The following ADAMTS16 variants were observed in gnomAD, a reference collection of about 807,000 sequenced individuals.
The protein encoded by ADAMTS16 is A disintegrin and metalloproteinase with thrombospondin motifs 16.
A neutral mutation model predicts 145.8 loss-of-function variants in ADAMTS16; 94 were observed. The ratio of observed to expected loss-of-function variants is 0.64; its 90% CI spans 0.55 to 0.77. The LOEUF (loss-of-function observed/expected upper bound fraction) is 0.77. Among genes scored for constraint, ADAMTS16 ranks in the 30% least tolerant of loss-of-function variants. The pLI, the probability that ADAMTS16 is intolerant of heterozygous loss-of-function variation, is 0.00. For synonymous variants in ADAMTS16, 659 were observed against 604.3 expected (o/e 1.09, Z -1.33); for missense variants, 1,585 against 1,591.5 (o/e 1.00, Z 0.07).
rs200915340 is a variant in ADAMTS16 at position 5,200,304 on chromosome 5, G to A, written c.1451+35G>A. 3,637 of 1,611,334 alleles carry A rather than the reference G, an allele frequency of 2.3e-3. 3 individuals carry two copies. The highest frequency in any genetic ancestry group is 2.9e-3 in the Non-Finnish European group (3,365 of 1,178,712). On this transcript the variant is annotated intron_variant, in intron 9 of 22. Coordinates refer to ENST00000274181, the MANE Select transcript of ADAMTS16 (RefSeq NM_139056.4). ...CTTTAAGCTGGTCTTGTGATCTTTC[G>A]GGGCCTTTGATGCTCACTGCCTGGT...
At chr5:5,166,637 T>C (rs974715779) in intron 3 of ADAMTS16, among the ~76,000 whole-genome samples, 20 of 152,132 alleles carry the variant, frequency 1.3e-4, no homozygotes, top group African/African-American at 4.6e-4. Context: ...TCCAGAGTGA[T>C]AGTAGCCAGA....
At chr5:5,174,676 G>A (rs2126548042) in intron 3 of ADAMTS16, among the ~76,000 whole-genome samples, 1 of 152,134 alleles carries the variant, frequency 6.6e-6, no homozygotes, top group Non-Finnish European at 1.5e-5. Flanking sequence ...TTTTCAAATA[G>A]CCTGTCTTCA....
intron 18 of ADAMTS16, among the ~76,000 whole-genome samples, chr5:5,274,374 G>A (rs1421116446): frequency 1.3e-5 from 2 of 152,032 alleles, no homozygotes; most frequent in South Asian, 2.1e-4. Context: ...CCTCCCTCCC[G>A]ACCAACCCCT....
chr5:5,208,458 C>A (rs1260440598), intron 9 of ADAMTS16, among the ~76,000 whole-genome samples: 1 of 152,188 alleles, frequency 6.6e-6, no homozygotes, highest in Non-Finnish European at 1.5e-5. Flanking sequence ...AGAGGATAAT[C>A]TATTTATGGA....
chr5:5,239,399 G>C (rs1737211707), intron 15 of ADAMTS16, 125 bp downstream of exon 15: 1 of 1,395,306 alleles, frequency 7.2e-7, no homozygotes, highest in Non-Finnish European at 9.6e-7. Context: ...TCCTGCCTCA[G>C]CTGGCGCTTT....
At chr5:5,205,639 G>A (rs1275224500) in intron 9 of ADAMTS16, among the ~76,000 whole-genome samples, 1 of 152,184 alleles carries the variant, frequency 6.6e-6, no homozygotes. Context: ...TATTCTAAGA[G>A]GTGTGTAGTG....
chr5:5,140,477 C>G lies in ADAMTS16; in HGVS notation c.10C>G (p.Arg4Gly). Reference protein sequence around the residue: MKPRARGWRGLAAL... With the variant: MKPGARGWRGLAAL... ...CTCGGAGCGCTCCTGGATGAAGCCC[C>G]GCGCGCGCGGATGGCGGGGCTTGGC... Residue 4 changes from arginine (R) to glycine (G), a missense_variant, in exon 1 of 23, where the codon CGC (arginine) becomes GGC (glycine). By Grantham distance (125) the Arg-to-Gly change is moderately radical. Around this residue, in one of 3 missense-constraint regions of ADAMTS16, gnomAD observed 453 missense variants for 412.1 expected, o/e 1.10. Transcript: ENST00000274181. 10 of 1,512,990 alleles carry G rather than the reference C, an allele frequency of 6.6e-6. No homozygotes were observed. Among genetic ancestry groups the G allele is most frequent in the Non-Finnish European group, 8.8e-6 (10 of 1,140,120 alleles). 93.7% of individuals were successfully genotyped at this position (1,512,990 alleles called of 1,614,324 possible).
chr5:5,281,677 G>A (rs1261399156), intron 18 of ADAMTS16, among the ~76,000 whole-genome samples: 1 of 152,092 alleles, frequency 6.6e-6, no homozygotes, highest in East Asian at 1.9e-4. Flanking sequence ...AACATGTGTA[G>A]ATGCAGAGAC....
chr5:5,291,969 G>C (rs1164117908), intron 18 of ADAMTS16, among the ~76,000 whole-genome samples: 1 of 152,200 alleles, frequency 6.6e-6, no homozygotes, highest in Non-Finnish European at 1.5e-5. Context: ...TTAGTATTTT[G>C]CATGTGCTCA....
rs1734181649 is a variant in ADAMTS16, at chr5:5,319,208, A to C, written c.*70A>C. The C allele has an allele frequency of 8.6e-7, 1 of 1,163,030 alleles. No individual in the cohort carries two copies. The highest frequency in any genetic ancestry group is 1.5e-5 in the African/African-American group (1 of 66,074). 72.0% of individuals were successfully genotyped at this position (1,163,030 alleles called of 1,614,324 possible). On this transcript the variant is annotated 3_prime_UTR_variant, in exon 23 of 23. Coordinates refer to ENST00000274181, the MANE Select transcript of ADAMTS16 (RefSeq NM_139056.4). ...GAAATTTCCCACAAATGAGCTGTGC[A>C]ATCTACGTCGGAATACATCCAAGGA... is the stretch of plus-strand genomic sequence containing the variant.
chr5:5,161,558 A>G (rs917456523), intron 3 of ADAMTS16, among the ~76,000 whole-genome samples: 1 of 152,208 alleles, frequency 6.6e-6, no homozygotes, highest in Non-Finnish European at 1.5e-5. Context: ...GTGTCAGAAG[A>G]GTCTGGTTGC....
intron 18 of ADAMTS16, among the ~76,000 whole-genome samples, chr5:5,279,267 C>T (rs13164992): frequency 0.058 from 8,880 of 152,264 alleles, 315 homozygotes; most frequent in Middle Eastern, 0.13. Flanking sequence ...CAAGGCTTCT[C>T]AGCTAACAAA....
intron 10 of ADAMTS16, among the ~76,000 whole-genome samples, chr5:5,215,409 T>C (rs1006714331): frequency 6.6e-6 from 1 of 152,114 alleles, no homozygotes; most frequent in African/African-American, 2.4e-5. Flanking sequence ...AGTTCTTTAG[T>C]GGTGATTTGT....
intron 12 of ADAMTS16, among the ~76,000 whole-genome samples, chr5:5,232,834 C>T (rs1481834648): frequency 2.0e-5 from 3 of 151,848 alleles, no homozygotes; most frequent in East Asian, 1.9e-4. Context: ...AACTCCTGAC[C>T]TTAGGTAATC....
intron 3 of ADAMTS16, among the ~76,000 whole-genome samples, chr5:5,147,938 G>A (rs1734348400): frequency 6.6e-6 from 1 of 152,190 alleles, no homozygotes; most frequent in African/African-American, 2.4e-5. Flanking sequence ...AGCCAGGGAG[G>A]CTGAGCTGTG....
chr5:5,268,953 C>T (rs930131331), intron 18 of ADAMTS16, among the ~76,000 whole-genome samples: 6 of 152,250 alleles, frequency 3.9e-5, no homozygotes, highest in African/African-American at 4.8e-5. Flanking sequence ...AGCTCAGACT[C>T]GCACAAAGGG....
chr5:5,262,668 G>A lies in ADAMTS16; in HGVS notation c.2674G>A (p.Val892Met), dbSNP rs576908386. 4.6e-4 allele frequency: 736 copies of A among 1,613,918 alleles called. 8 individuals are homozygous for A. The South Asian group carries it at 7.5e-3, about 17-fold the overall frequency. ...SVSCGGGQMT[V>M]REGCYRDLKF... is the part of the protein sequence containing the mutation. Reference sequence around the variant, plus strand: ...ATCCTTGCCTGCAGGACAGATGACCGTGAGAGAGGGCTGCTACAGAGACCT... The same window carrying A: ...ATCCTTGCCTGCAGGACAGATGACCATGAGAGAGGGCTGCTACAGAGACCT... Residue 892 changes from valine (V) to methionine (M), a missense_variant, in exon 18 of 23, where the codon GTG becomes ATG. Physicochemically the swap from Val to Met is conservative, Grantham distance 21 (BLOSUM62 1). Coordinates refer to ENST00000274181, the MANE Select transcript of ADAMTS16 (RefSeq NM_139056.4).
At chr5:5,154,397 A>T (rs1483501097) in intron 3 of ADAMTS16, among the ~76,000 whole-genome samples, 2 of 152,238 alleles carry the variant, frequency 1.3e-5, no homozygotes, top group African/African-American at 4.8e-5. Flanking sequence ...ATAAGAATAA[A>T]TATAATAGTG....
intron 10 of ADAMTS16, among the ~76,000 whole-genome samples, chr5:5,213,964 A>G (rs1019748): frequency 0.53 from 80,818 of 152,084 alleles, 23,818 homozygotes; most frequent in East Asian, 0.88. Context: ...GCTGACTCTC[A>G]ACTAGCTGCT....
Sources: gnomAD v4.1 joint callset for allele counts (sites outside exome capture counted in the v4.1 genomes callset) on GRCh38, gnomAD v4.1.1 for gene constraint, gnomAD v4.1.1 regional missense constraint, MANE v1.5 for transcripts, NCBI Gene and HGNC (gene_info 2026-07-23, HGNC 2026-07-21) for gene names.